The following TMEM168 variants were observed in gnomAD, a reference collection of about 807,000 sequenced individuals.
TMEM168 encodes the protein transmembrane protein 168.
In TMEM168, 40 loss-of-function variants were observed where a neutral mutation model predicts 53.2. The ratio of observed to expected loss-of-function variants is 0.75; its 90% CI spans 0.58 to 0.98. The LOEUF is 0.98. TMEM168 is among the 50% of genes least tolerant of loss of function. The probability of loss-of-function intolerance (pLI) is 0.00; values close to 1 mark genes in which losing one functional copy is unlikely to be tolerated. For synonymous variants in TMEM168, 282 were observed against 293.0 expected, an observed-to-expected ratio of 0.96 and a Z score of 0.38; for missense variants, 771 against 828.8, an observed-to-expected ratio of 0.93 and a Z score of 0.86.
Position 112,784,380 on chromosome 7 carries a change from T to A in TMEM168, c.446A>T (p.His149Leu). Residue 149 changes from histidine to leucine, a missense_variant, in exon 2 of 5, where the codon CAT (histidine) becomes CTT (leucine). Physicochemically the swap from His to Leu is moderately conservative, Grantham distance 99 (BLOSUM62 -3). Coordinates refer to ENST00000312814, the MANE Select transcript of TMEM168 (RefSeq NM_022484.6). ...LVERISGYVR[H>L]RPTLLTTVEF... ...AACTGTGGTTAGTAAAGTGGGCCGA[T>A]GACGGACATAACCAGAAATTCTCTC... 6.2e-7 allele frequency: 1 copy of A among 1,614,178 alleles called. No homozygotes were observed.
chr7:112,789,800 T>G (rs1238698), intron 1 of TMEM168, among the ~76,000 whole-genome samples: 62,645 of 152,120 alleles, frequency 0.41, 16,303 homozygotes, highest in African/African-American at 0.74. Context: ...GAGGAAAATG[T>G]CATCTAGAAT....
At chr7:112,785,346 A>G (rs1793349259) in intron 1 of TMEM168, among the ~76,000 whole-genome samples, 1 of 152,234 alleles carries the variant, frequency 6.6e-6, no homozygotes, top group African/African-American at 2.4e-5. Flanking sequence ...GAAGGACTTC[A>G]TCGTTACCTC....
At position 112,767,748 on chromosome 7, in the gene TMEM168, T is replaced by C; in HGVS notation, c.1547-4A>G. The C allele has an allele frequency of 6.3e-7, 1 of 1,586,782 alleles. No individual in the cohort carries two copies. The highest frequency in any genetic ancestry group is 1.4e-5 in the African/African-American group (1 of 73,768). On this transcript the variant is annotated splice_polypyrimidine_tract_variant and splice_region_variant and intron_variant, in intron 4 of 4. Coordinates refer to ENST00000312814, the MANE Select transcript of TMEM168 (RefSeq NM_022484.6). ...TCAAGGCGTAGTGTATCTCCACCTG[T>C]GAACAAGAGAAAATTCAATGGAGCA...
chr7:112,774,739 C>T (rs369520328), intron 3 of TMEM168, among the ~76,000 whole-genome samples: 1 of 152,042 alleles, frequency 6.6e-6, no homozygotes, highest in Non-Finnish European at 1.5e-5. Context: ...TGCCACCACA[C>T]CTGGCTAATT....
rs114765751 is a variant in TMEM168, at chr7:112,773,778, T to G, written c.1272-723A>C. On this transcript the variant is annotated intron_variant, in intron 3 of 4. Transcript: ENST00000312814. ...TCCAGAAAAGGGATTTCTATCGGGA[T>G]TTTTGAAAACGTTAGATTTTGCTTC... Among the ~76,000 whole-genome samples the G allele has an allele frequency of 1.4e-3, 210 of 152,216 alleles. 1 individual carries two copies. Among genetic ancestry groups the G allele is most frequent in the African/African-American group, 5.0e-3 (207 of 41,550 alleles).
At position 112,767,503 on chromosome 7, in the gene TMEM168, G is replaced by A; in HGVS notation, c.1788C>T (p.Asn596=). The change falls in exon 5 of 5, where the codon AAC becomes AAT. Residue 596 remains asparagine (N), a synonymous_variant. Coordinates refer to ENST00000312814, the MANE Select transcript of TMEM168 (RefSeq NM_022484.6). ...GDFTKDWVEY[N]CNSSNNICWT... ...AGCAGATGTTATTACTGGAGTTGCA[G>A]TTATATTCTACCCAGTCTTTTGTAA... is the stretch of plus-strand genomic sequence containing the variant. 1 of 1,614,152 alleles carries A rather than the reference G, an allele frequency of 6.2e-7. No homozygotes were observed. The highest frequency in any genetic ancestry group is 8.5e-7 in the Non-Finnish European group (1 of 1,180,016).
intron 4 of TMEM168, 97 bp from the exon 5 acceptor site, chr7:112,767,841 G>T (rs1408533167): frequency 1.9e-6 from 2 of 1,064,684 alleles, no homozygotes; most frequent in African/African-American, 3.2e-5. Flanking sequence ...AAATACTCTT[G>T]TTATACATGT....
In TMEM168 at chr7:112,775,156, A is replaced by C. The variant is rs1376091896; in HGVS notation, c.1271+20T>G. 6 of 1,574,440 alleles carry C rather than the reference A, an allele frequency of 3.8e-6. No homozygotes were observed. The highest frequency in any genetic ancestry group is 5.2e-6 in the Non-Finnish European group (6 of 1,162,786). On this transcript the variant is annotated intron_variant, in intron 3 of 4. Transcript: ENST00000312814. Reference sequence around the variant, plus strand: ...GTTATGAAGTGAATAGTTATCACTAACTATACTAGATTACTGTACCTGCAG... The same window carrying C: ...GTTATGAAGTGAATAGTTATCACTACCTATACTAGATTACTGTACCTGCAG...
chr7:112,779,450 C>T (rs2116275972), intron 2 of TMEM168, among the ~76,000 whole-genome samples: 1 of 152,240 alleles, frequency 6.6e-6, no homozygotes, highest in South Asian at 2.1e-4. Context: ...GGCCTGCAAA[C>T]CTTTATTCTA....
chr7:112,784,413 G>C lies in TMEM168; in HGVS notation c.413C>G (p.Ser138Cys), dbSNP rs111844937. The C allele has an allele frequency of 8.1e-5, 130 of 1,614,106 alleles. No individual in the cohort carries two copies. In the African/African-American group the frequency reaches 1.4e-3, roughly 17 times the overall value. The change falls in exon 2 of 5, where the codon TCT becomes TGT. Residue 138 changes from serine (S) to cysteine (C), a missense_variant. Ser to Cys is a moderately radical substitution (Grantham distance 112). Coordinates refer to ENST00000312814, the MANE Select transcript of TMEM168 (RefSeq NM_022484.6). ...ATAACCAGAAATTCTCTCCACCAGA[G>C]AGCACAATATCCTTAACACTATGGA... ...LTSIVLRILC[S>C]LVERISGYVR...
intron 3 of TMEM168, 74 bp downstream of exon 3, chr7:112,775,101 AT>A (rs1793040528): frequency 1.6e-6 from 2 of 1,249,994 alleles, no homozygotes; most frequent in Admixed American, 2.8e-5. Context: ...AAAAGGAGCT[AT>A]ATTTTATTCA....
chr7:112,778,783 G>C (rs968614303), intron 2 of TMEM168: 2 of 152,086 alleles, frequency 1.3e-5, no homozygotes, highest in African/African-American at 4.8e-5. Context: ...GATGATATTT[G>C]ATACAGTAGA....
At chr7:112,789,294 T>C (rs552475584) in intron 1 of TMEM168, among the ~76,000 whole-genome samples, 1 of 152,202 alleles carries the variant, frequency 6.6e-6, no homozygotes, top group East Asian at 1.9e-4. Flanking sequence ...TTATTTCATG[T>C]CTGCATTTCC....
At chr7:112,780,222 T>C (rs1214625021) in intron 2 of TMEM168, among the ~76,000 whole-genome samples, 1 of 152,216 alleles carries the variant, frequency 6.6e-6, no homozygotes, top group Non-Finnish European at 1.5e-5. Context: ...TGAGTCTTGA[T>C]TTCTGGAATA....
At chr7:112,776,030 A>G (rs1793072964) in intron 2 of TMEM168, among the ~76,000 whole-genome samples, 3 of 151,840 alleles carry the variant, frequency 2.0e-5, no homozygotes, top group South Asian at 2.1e-4. Flanking sequence ...AGTGAAAAGA[A>G]AATGGATAGT....
chr7:112,768,823 C>T (rs566787302), intron 4 of TMEM168, among the ~76,000 whole-genome samples: 64 of 152,078 alleles, frequency 4.2e-4, no homozygotes, highest in African/African-American at 1.5e-3. Flanking sequence ...CAAAAAAAGA[C>T]GACCTTCCCA....
intron 2 of TMEM168, among the ~76,000 whole-genome samples, chr7:112,779,203 T>A (rs1793167695): frequency 6.6e-6 from 1 of 152,192 alleles, no homozygotes; most frequent in Non-Finnish European, 1.5e-5. Context: ...GTCATACATT[T>A]TTAGAAAGCA....
At position 112,775,276 on chromosome 7, in the gene TMEM168, G is replaced by A. The variant is rs1481455427; in HGVS notation, c.1171C>T (p.Pro391Ser). ...AGCCCATGAGCCATGGATTCCAATG[G>A]CAAAACGATTAGAAACATGCTCAAG... ...IFLSMFLIVLPLESMAHGLFH... is the reference protein window; with the variant it reads ...IFLSMFLIVLSLESMAHGLFH... Residue 391 changes from proline (P) to serine (S), a missense_variant, in exon 3 of 5, where the codon CCA (proline) becomes TCA (serine). Transcript: ENST00000312814. 1 of 1,613,248 alleles carries A rather than the reference G, an allele frequency of 6.2e-7. No individual in the cohort carries two copies.
At chr7:112,772,358 C>T (rs1331482996) in intron 4 of TMEM168, among the ~76,000 whole-genome samples, 1 of 152,180 alleles carries the variant, frequency 6.6e-6, no homozygotes, top group Non-Finnish European at 1.5e-5. Context: ...AAGTGCTACT[C>T]CCACCATACT....
Sources: allele counts gnomAD v4.1 joint callset (sites outside exome capture counted in the v4.1 genomes callset), GRCh38; gene constraint gnomAD v4.1.1; transcripts MANE v1.5; gene names NCBI Gene and HGNC (gene_info 2026-07-23, HGNC 2026-07-21).